Variants in KHDRBS2 observed in about 807,000 individuals in gnomAD.
KHDRBS2 encodes the protein KH RNA binding domain containing, signal transduction associated 2.
KHDRBS2 carries 26 observed loss-of-function variants against 44.3 expected under a neutral mutation model. The observed-to-expected ratio is 0.59, with a 90% confidence interval of 0.43 to 0.81. The LOEUF (loss-of-function observed/expected upper bound fraction) is 0.81, where lower values mean the gene tolerates loss of function less well. Ranked by LOEUF, KHDRBS2 falls within the 40% of genes least tolerant of loss-of-function variation. The pLI, the probability that KHDRBS2 is intolerant of heterozygous loss-of-function variation, is 0.00. For missense variants in KHDRBS2, 476 were observed against 433.1 expected (o/e 1.10, Z -0.88); for synonymous variants, 194 against 151.1 (o/e 1.28, Z -2.08).
the KHDRBS2 span, among the ~76,000 whole-genome samples, chr6:61,544,990 T>G: frequency 1.3e-5 from 2 of 151,736 alleles, no homozygotes; most frequent in Admixed American, 1.3e-4. Flanking sequence ...AAATGACGAG[T>G]TAATGGGTGC....
chr6:62,052,932 T>C lies in KHDRBS2; in HGVS notation c.220-4938A>G, dbSNP rs972851672. ...GACCCCTGGTGTACACAATGTAGAC[T>C]ATAGGTAATAAAATTGTTCTGTATT... On this transcript the variant is annotated intron_variant, in intron 2 of 8. Transcript: ENST00000281156. 3.4e-4 allele frequency among the ~76,000 whole-genome samples: 52 copies of C among 151,944 alleles called. 1 individual carries two copies. The highest frequency in any genetic ancestry group is 1.2e-3 in the African/African-American group (49 of 41,396).
At chr6:61,977,604 T>C (rs1772944600) in intron 4 of KHDRBS2, among the ~76,000 whole-genome samples, 1 of 152,182 alleles carries the variant, frequency 6.6e-6, no homozygotes, top group African/African-American at 2.4e-5. Context: ...TGCCATCACA[T>C]GAAAATACAT....
At chr6:62,213,751 G>A (rs1465087894) in intron 1 of KHDRBS2, among the ~76,000 whole-genome samples, 2 of 151,756 alleles carry the variant, frequency 1.3e-5, no homozygotes, top group East Asian at 2.0e-4. Context: ...GTGGACACCC[G>A]TAGTCCCAGC....
intron 6 of KHDRBS2, among the ~76,000 whole-genome samples, chr6:61,813,355 C>A (rs1788419206): frequency 6.6e-6 from 1 of 152,078 alleles, no homozygotes; most frequent in African/African-American, 2.4e-5. Flanking sequence ...GCCATTGGAA[C>A]CCAACTATAT....
In KHDRBS2 at chr6:61,763,819, T is replaced by A. The variant is rs187992923; in HGVS notation, c.811-31055A>T. ...GATAAAAACTATTTTTATAAAAAAA[T>A]TTATTTTATTTTATTTTAAGTTCCA... On this transcript the variant is annotated intron_variant, in intron 6 of 8. Transcript: ENST00000281156. 7.2e-4 allele frequency among the ~76,000 whole-genome samples: 110 copies of A among 152,196 alleles called. 1 individual carries two copies. Among genetic ancestry groups the A allele is most frequent in the African/African-American group, 2.2e-3 (93 of 41,546 alleles).
chr6:61,974,587 T>C (rs1231405447), intron 4 of KHDRBS2, among the ~76,000 whole-genome samples: 3 of 151,360 alleles, frequency 2.0e-5, no homozygotes, highest in Non-Finnish European at 4.4e-5. Flanking sequence ...AAATTAGCCA[T>C]GTTCAAATTA....
At chr6:62,211,089 C>T (rs1303620322) in intron 1 of KHDRBS2, among the ~76,000 whole-genome samples, 1 of 152,044 alleles carries the variant, frequency 6.6e-6, no homozygotes, top group Non-Finnish European at 1.5e-5. Context: ...GGATACAATA[C>T]ACCAGAAAAA....
intron 6 of KHDRBS2, among the ~76,000 whole-genome samples, chr6:61,889,659 C>T (rs1468361082): frequency 2.6e-5 from 4 of 152,234 alleles, no homozygotes; most frequent in East Asian, 1.9e-4. Flanking sequence ...TTGTGCCTAC[C>T]TCCACCCGCA....
chr6:61,871,289 G>A (rs568357097), intron 6 of KHDRBS2, among the ~76,000 whole-genome samples: 27 of 152,198 alleles, frequency 1.8e-4, no homozygotes, highest in African/African-American at 3.1e-4. Flanking sequence ...AAAATAAAGC[G>A]TGAAGACAAG....
intron 6 of KHDRBS2, among the ~76,000 whole-genome samples, chr6:61,826,303 A>T (rs894355828): frequency 2.3e-4 from 35 of 152,230 alleles, no homozygotes; most frequent in African/African-American, 7.9e-4. Flanking sequence ...CTCCTATGTT[A>T]AGCCAGGAGC....
intron 7 of KHDRBS2, among the ~76,000 whole-genome samples, chr6:61,730,824 A>G (rs187646604): frequency 1.0e-4 from 15 of 150,518 alleles, no homozygotes; most frequent in Admixed American, 2.0e-4. Context: ...CATTATATAT[A>G]TGTGTGTGTG....
At chr6:62,171,770 T>C (rs1430793077) in intron 2 of KHDRBS2, among the ~76,000 whole-genome samples, 2 of 152,182 alleles carry the variant, frequency 1.3e-5, no homozygotes, top group Admixed American at 1.3e-4. Flanking sequence ...TGAGGGCCTA[T>C]ATTCATCACT....
the KHDRBS2 span, among the ~76,000 whole-genome samples, chr6:61,633,153 A>C: frequency 6.6e-6 from 1 of 152,090 alleles, no homozygotes; most frequent in East Asian, 1.9e-4. Flanking sequence ...AAAAGCAGAT[A>C]AATTGTATTT....
intron 6 of KHDRBS2, among the ~76,000 whole-genome samples, chr6:61,774,059 G>C (rs1188626400): frequency 3.3e-5 from 5 of 152,052 alleles, no homozygotes; most frequent in Non-Finnish European, 7.4e-5. Context: ...TTGTAGTATA[G>C]TTTGAAGTCA....
At chr6:61,974,698 T>C (rs1772145914) in intron 4 of KHDRBS2, among the ~76,000 whole-genome samples, 1 of 151,880 alleles carries the variant, frequency 6.6e-6, no homozygotes, top group Non-Finnish European at 1.5e-5. Context: ...TTTGGGAGGC[T>C]GAGGCGGGTG....
At chr6:61,839,911 T>C (rs1485590364) in intron 6 of KHDRBS2, among the ~76,000 whole-genome samples, 3 of 152,164 alleles carry the variant, frequency 2.0e-5, no homozygotes, top group Non-Finnish European at 4.4e-5. Context: ...CTTCTAGTTT[T>C]GTGATTCCCT....
rs576696087 is a variant in KHDRBS2 at position 61,786,379 on chromosome 6, C to T, written c.811-53615G>A. ...GGTCATATTTAATCACTGAATATAA[C>T]ATTTTATTTGCTTAATAAGCAATTT... is the stretch of plus-strand genomic sequence containing the variant. On this transcript the variant is annotated intron_variant, in intron 6 of 8. Transcript: ENST00000281156. Among the ~76,000 whole-genome samples, 23 of 152,026 alleles carry T rather than the reference C, an allele frequency of 1.5e-4. No homozygotes were observed. In the South Asian group the frequency reaches 4.2e-3, roughly 27 times the overall value.
the KHDRBS2 span, among the ~76,000 whole-genome samples, chr6:61,561,186 A>ACTCT: frequency 6.7e-6 from 1 of 148,452 alleles, no homozygotes; most frequent in African/African-American, 2.5e-5. Context: ...ATAAATGGAG[A>ACTCT]CTCTCTCTCT....
Position 61,894,813 on chromosome 6 carries a change from G to A in KHDRBS2, c.632C>T (p.Pro211Leu). The A allele has an allele frequency of 6.2e-7, 1 of 1,611,826 alleles. No individual in the cohort carries two copies. Among genetic ancestry groups the A allele is most frequent in the Non-Finnish European group, 8.5e-7 (1 of 1,179,176 alleles). ...APSRGRGGAIPPPPPPGRGVL... is the reference protein window; with the variant it reads ...APSRGRGGAILPPPPPGRGVL... ...ACCTCGTCCAGGTGGTGGGGGAGGAGGAATGGCACCCCCACGGCCCCTAAG... is the reference window on the plus strand; with the variant it reads ...ACCTCGTCCAGGTGGTGGGGGAGGAAGAATGGCACCCCCACGGCCCCTAAG... Residue 211 changes from proline (P) to leucine (L), a missense_variant, in exon 6 of 9, where the codon CCT (proline) becomes CTT (leucine). Coordinates refer to ENST00000281156, the MANE Select transcript of KHDRBS2 (RefSeq NM_152688.4).
Sources: gnomAD v4.1 joint callset for allele counts (sites outside exome capture counted in the v4.1 genomes callset) on GRCh38, gnomAD v4.1.1 for gene constraint, MANE v1.5 for transcripts, NCBI Gene and HGNC (gene_info 2026-07-23, HGNC 2026-07-21) for gene names.